Variants in DNAAF11 observed in about 807,000 individuals in gnomAD.
DNAAF11 encodes the protein leucine rich repeat containing 6.
Under a neutral mutation model 60.8 loss-of-function variants are expected in DNAAF11, and 45 were observed. That is an observed-to-expected ratio of 0.74 (90% CI 0.58 to 0.95). The LOEUF (loss-of-function observed/expected upper bound fraction) is 0.95, where lower values mean the gene tolerates loss of function less well. DNAAF11 is among the 40% of genes least tolerant of loss of function. The probability of loss-of-function intolerance (pLI) is 0.00; values close to 1 mark genes in which losing one functional copy is unlikely to be tolerated. For missense variants in DNAAF11, 546 were observed against 546.2 expected (o/e 1.00, Z 0.00); for synonymous variants, 191 against 183.5 (o/e 1.04, Z -0.33).
chr8:132,583,826 T>C (rs748600778), intron 10 of DNAAF11, 47 bp from the exon 11 acceptor site: 3 of 1,242,678 alleles, frequency 2.4e-6, no homozygotes, highest in Admixed American at 1.7e-5. Flanking sequence ...TACTCCTTGA[T>C]GTACCTTAAA....
intron 10 of DNAAF11, among the ~76,000 whole-genome samples, chr8:132,603,770 G>C (rs1005616730): frequency 6.6e-6 from 1 of 152,058 alleles, no homozygotes; most frequent in African/African-American, 2.4e-5. Context: ...TTTTTTAAGA[G>C]GGGAGACCTT....
At chr8:132,619,240 T>C (rs11775927) in intron 7 of DNAAF11, among the ~76,000 whole-genome samples, 42 of 150,380 alleles carry the variant, frequency 2.8e-4, no homozygotes, top group Admixed American at 6.0e-4. Flanking sequence ...TAGGTGGGAA[T>C]TGAACAATGA....
At chr8:132,655,040 A>T in intron 3 of DNAAF11, among the ~76,000 whole-genome samples, 1 of 151,960 alleles carries the variant, frequency 6.6e-6, no homozygotes, top group East Asian at 1.9e-4. Flanking sequence ...AAAAAAGAAC[A>T]CTCAAATTTA....
At chr8:132,696,287 A>G in the DNAAF11 span, among the ~76,000 whole-genome samples, 1 of 152,206 alleles carries the variant, frequency 6.6e-6, no homozygotes, top group Non-Finnish European at 1.5e-5. Flanking sequence ...GAAAAGATAG[A>G]TATTATGAAG....
At chr8:132,623,294 C>T (rs952575065) in intron 6 of DNAAF11, among the ~76,000 whole-genome samples, 1 of 151,880 alleles carries the variant, frequency 6.6e-6, no homozygotes, top group Admixed American at 6.6e-5. Context: ...TTGCTCATTA[C>T]CTATTGATTT....
In DNAAF11 at chr8:132,581,681, A is replaced by AAAG. The variant is rs544637654; in HGVS notation, c.1226+2010_1226+2012dup. 8.3e-4 allele frequency among the ~76,000 whole-genome samples: 123 copies of AAAG among 148,364 alleles called. 1 individual carries two copies. Among genetic ancestry groups the AAAG allele is most frequent in the East Asian group, 1.8e-3 (9 of 5,050 alleles). Reference sequence around the variant, plus strand: ...TGCCTCAAAAAAAAAAAAAAAAAAAAAAGAAGAAGAAGAAGAAGAACAAGC... The same window carrying AAAG: ...TGCCTCAAAAAAAAAAAAAAAAAAAAAAGAAGAAGAAGAAGAAGAAGAACAAGC... On this transcript the variant is annotated intron_variant, in intron 11 of 11. Transcript: ENST00000620350.
chr8:132,695,760 G>A, the DNAAF11 span, among the ~76,000 whole-genome samples: 1 of 152,112 alleles, frequency 6.6e-6, no homozygotes, highest in Non-Finnish European at 1.5e-5. Flanking sequence ...TTTTCACAAG[G>A]CATGTTTAGC....
rs376259715 is a variant in DNAAF11, at chr8:132,631,620, G to A, written c.653+1120C>T. Among the ~76,000 whole-genome samples, 10 of 152,166 alleles carry A rather than the reference G, an allele frequency of 6.6e-5. No homozygotes were observed. In the South Asian group the frequency reaches 1.5e-3, roughly 22 times the overall value. On this transcript the variant is annotated intron_variant, in intron 5 of 11. Coordinates refer to ENST00000620350, the MANE Select transcript of DNAAF11 (RefSeq NM_012472.6). ...GATGGGATCAACATATATCAAACAC[G>A]CACCAGCTTCAGGATAGCAGACGCC...
At chr8:132,618,145 T>A (rs1344034724) in intron 7 of DNAAF11, among the ~76,000 whole-genome samples, 4 of 151,812 alleles carry the variant, frequency 2.6e-5, no homozygotes, top group African/African-American at 9.7e-5. Flanking sequence ...CAATGCCGCA[T>A]ATCTACAACT....
intron 3 of DNAAF11, among the ~76,000 whole-genome samples, chr8:132,648,407 T>C (rs183612947): frequency 5.6e-4 from 85 of 152,318 alleles, no homozygotes; most frequent in African/African-American, 2.0e-3. Context: ...AATATCATAC[T>C]GAATGGGCAA....
intron 10 of DNAAF11, among the ~76,000 whole-genome samples, chr8:132,595,081 CAATT>C (rs1461594718): frequency 6.6e-6 from 1 of 152,222 alleles, no homozygotes; most frequent in East Asian, 1.9e-4. Context: ...AACTGTGAGT[CAATT>C]AAACCTCTTT....
intron 5 of DNAAF11, among the ~76,000 whole-genome samples, chr8:132,629,316 A>C (rs2130395381): frequency 6.6e-6 from 1 of 152,008 alleles, no homozygotes; most frequent in Admixed American, 6.5e-5. Context: ...CAGAAACAAG[A>C]TAACAAGATA....
the DNAAF11 span, among the ~76,000 whole-genome samples, chr8:132,698,700 C>T: frequency 6.6e-6 from 1 of 152,046 alleles, no homozygotes; most frequent in South Asian, 2.1e-4. Context: ...TCTGGAGCTT[C>T]TGTTCTGGTG....
the DNAAF11 span, among the ~76,000 whole-genome samples, chr8:132,699,224 C>T: frequency 6.6e-6 from 1 of 151,700 alleles, no homozygotes; most frequent in African/African-American, 2.4e-5. Context: ...CCCTAAGATG[C>T]TAGGGACATC....
At position 132,621,810 on chromosome 8, in the gene DNAAF11, T is replaced by C. The variant is rs1046270654; in HGVS notation, c.914+801A>G. Among the ~76,000 whole-genome samples the C allele has an allele frequency of 2.9e-4, 44 of 152,134 alleles. 1 individual carries two copies. The highest frequency in any genetic ancestry group is 1.3e-4 in the Non-Finnish European group (9 of 68,012). ...ACACCACCTATTAGCTGTGTGACCT[T>C]GGGCAAGTCACTCCACCTCTCTCAG... On this transcript the variant is annotated intron_variant, in intron 7 of 11. Transcript: ENST00000620350.
At chr8:132,653,745 G>A (rs1823255290) in intron 3 of DNAAF11, among the ~76,000 whole-genome samples, 1 of 151,948 alleles carries the variant, frequency 6.6e-6, no homozygotes, top group Non-Finnish European at 1.5e-5. Flanking sequence ...AATTCCCAGG[G>A]AAACCACTAA....
rs1332181666 is a variant in DNAAF11 at position 132,622,696 on chromosome 8, T to C, written c.837-8A>G. The C allele has an allele frequency of 1.2e-6, 2 of 1,602,434 alleles. No individual in the cohort carries two copies. The highest frequency in any genetic ancestry group is 2.7e-5 in the African/African-American group (2 of 74,774). ...ACTTTCTTCTTTTTTTCACTTAAGATTGGTGGTGGATGAGAACAATGGGCA... is the reference window on the plus strand; with the variant it reads ...ACTTTCTTCTTTTTTTCACTTAAGACTGGTGGTGGATGAGAACAATGGGCA... On this transcript the variant is annotated splice_polypyrimidine_tract_variant and splice_region_variant and intron_variant, in intron 6 of 11. Transcript: ENST00000620350.
intron 10 of DNAAF11, 121 bp from the exon 11 acceptor site, chr8:132,583,900 T>A (rs1041330316): frequency 6.4e-5 from 44 of 686,034 alleles, no homozygotes; most frequent in Admixed American, 5.9e-4. Context: ...ACATATTCCA[T>A]GAAAGACTCA....
intron 1 of DNAAF11, among the ~76,000 whole-genome samples, chr8:132,668,689 C>A (rs534171563): frequency 2.0e-5 from 3 of 152,060 alleles, no homozygotes; most frequent in African/African-American, 7.2e-5. Flanking sequence ...TGTTCCACCC[C>A]CCTCAGCCTC....
Sources: gnomAD v4.1 joint callset for allele counts (sites outside exome capture counted in the v4.1 genomes callset) on GRCh38, gnomAD v4.1.1 for gene constraint, MANE v1.5 for transcripts, NCBI Gene and HGNC (gene_info 2026-07-23, HGNC 2026-07-21) for gene names.